ANKRD36C: variants seen among roughly 807,000 people sequenced by gnomAD.
ANKRD36C encodes ankyrin repeat domain-containing protein 36C.
A neutral mutation model predicts 276.4 loss-of-function variants in ANKRD36C; 61 were observed. The observed-to-expected ratio is 0.22, with a 90% CI of 0.18 to 0.27. ANKRD36C has a LOEUF of 0.27. Among genes scored for constraint, ANKRD36C ranks in the 10% least tolerant of loss-of-function variants. The pLI is 1.00. For synonymous variants in ANKRD36C, 483 were observed against 680.1 expected (o/e 0.71, Z 4.51); for missense variants, 1,447 against 2,032.3 (o/e 0.71, Z 5.54).
At chr2:95,947,785 T>C (rs750436014) in intron 17 of ANKRD36C, among the ~76,000 whole-genome samples, 3 of 152,118 alleles carry the variant, frequency 2.0e-5, no homozygotes, top group Non-Finnish European at 4.4e-5. Flanking sequence ...CTCTCTACTA[T>C]AGATGTGAGA....
Position 95,910,531 on chromosome 2 carries a change from T to A in ANKRD36C, c.2653+1713A>T, listed in dbSNP as rs1361617734. 1 of 1,606,160 alleles carries A rather than the reference T, an allele frequency of 6.2e-7. No individual in the cohort carries two copies. Among genetic ancestry groups the A allele is most frequent in the South Asian group, 1.1e-5 (1 of 90,740 alleles). ...AACTCGTTCACAATATAAATGAGAG[T>A]TTCATTACCTTCAAGGCTGGTGGTT... On this transcript the variant is annotated intron_variant, in intron 42 of 66. Coordinates refer to ENST00000456556, the Ensembl canonical transcript of ANKRD36C.
chr2:95,886,025 A>G (rs1459047255), intron 52 of ANKRD36C, 23 bp downstream of exon 72: 2 of 1,600,374 alleles, frequency 1.2e-6, no homozygotes, highest in Middle Eastern at 1.7e-4. Flanking sequence ...CGAACATTAC[A>G]TTAAAGGTGT....
chr2:95,961,325 C>T (rs1331504974), intron 8 of ANKRD36C, among the ~76,000 whole-genome samples: 1 of 152,016 alleles, frequency 6.6e-6, no homozygotes, highest in Non-Finnish European at 1.5e-5. Flanking sequence ...TTCATCCACT[C>T]ATGGCAAGAA....
intron 6 of ANKRD36C, among the ~76,000 whole-genome samples, chr2:95,971,666 C>T (rs910713776): frequency 6.6e-6 from 1 of 151,154 alleles, no homozygotes. Context: ...TATTAACAGG[C>T]AAGAAAATAA....
intron 4 of ANKRD36C, among the ~76,000 whole-genome samples, chr2:95,981,396 CTATAT>C (rs1298995578): frequency 7.7e-6 from 1 of 129,064 alleles, no homozygotes; most frequent in Non-Finnish European, 1.7e-5. Flanking sequence ...AATATACATT[CTATAT>C]TATATATTAT....
intron 54 of ANKRD36C, among the ~76,000 whole-genome samples, chr2:95,882,947 T>C (rs1204312750): frequency 6.6e-6 from 1 of 152,132 alleles, no homozygotes; most frequent in East Asian, 1.9e-4. Context: ...GCCTGGTAAT[T>C]GAGGAGGTAC....
chr2:95,923,836 G>T, intron 30 of ANKRD36C, 147 bp from the exon 31 acceptor site: 6 of 1,175,178 alleles, frequency 5.1e-6, no homozygotes, highest in Non-Finnish European at 5.9e-6. Flanking sequence ...GAACATGACA[G>T]AAATACACTG....
In ANKRD36C at chr2:95,927,109, T is replaced by A. The variant is rs1056286703; in HGVS notation, c.1939+105A>T. 32 of 1,491,544 alleles carry A rather than the reference T, an allele frequency of 2.1e-5. 1 individual carries two copies. The Admixed American group carries it at 4.9e-4, about 23-fold the overall frequency. 92.4% of individuals were successfully genotyped at this position (1,491,544 alleles called of 1,614,324 possible). A position where few individuals can be genotyped will look rare whatever the true frequency, so the allele number is the denominator to read the frequency against. On this transcript the variant is annotated intron_variant, in intron 28 of 66. Transcript: ENST00000456556. ...ACTGAAGAATCTCAGGCCTGCTGAA[T>A]CAGAATGTGCAGCTTCAATGAATCC...
intron 38 of ANKRD36C, among the ~76,000 whole-genome samples, chr2:95,914,777 C>CT (rs1417812261): frequency 2.0e-5 from 3 of 151,480 alleles, no homozygotes; most frequent in African/African-American, 7.3e-5. Context: ...TCCGATGATA[C>CT]TTCAGTTGAA....
exon 19 of ANKRD36C, chr2:95,944,673 T>C (rs1453741458): frequency 2.0e-6 from 3 of 1,537,076 alleles, no homozygotes; most frequent in African/African-American, 2.7e-5. Flanking sequence ...TTCTGTTTTG[T>C]CAATGCCACA....
intron 19 of ANKRD36C, 71 bp downstream of exon 19, chr2:95,944,556 T>C (rs1298621961): frequency 1.4e-6 from 2 of 1,402,164 alleles, no homozygotes; most frequent in Non-Finnish European, 1.9e-6. Flanking sequence ...CATTAACAGA[T>C]AAGAGTGAGT....
chr2:95,950,608 G>T, intron 16 of ANKRD36C, 141 bp downstream of exon 16: 3 of 1,057,996 alleles, frequency 2.8e-6, no homozygotes, highest in Non-Finnish European at 3.9e-6. Context: ...TTCTAAAGTT[G>T]TGTGAAGATG....
chr2:95,938,547 T>C (rs1677780981), intron 22 of ANKRD36C, among the ~76,000 whole-genome samples: 1 of 152,126 alleles, frequency 6.6e-6, no homozygotes, highest in South Asian at 2.1e-4. Flanking sequence ...AGTGTCAAAA[T>C]ACACCTACTC....
rs371779698 is a variant in ANKRD36C, at chr2:95,902,802, C to T, written c.2654-3466G>A. 87 of 1,429,826 alleles carry T rather than the reference C, an allele frequency of 6.1e-5. 3 individuals are homozygous for T. The East Asian group carries it at 6.4e-4, about 11-fold the overall frequency. The allele number at this position is 1,429,826 out of a possible 1,614,324, so 88.6% of individuals were successfully genotyped here. On this transcript the variant is annotated intron_variant, in intron 42 of 66. Coordinates refer to ENST00000456556, the Ensembl canonical transcript of ANKRD36C. ...GCTGAATCAGAATGTGCAGCTTCAACGAGCCCCCCGCTGATTTATTCACGG... is the reference window on the plus strand; with the variant it reads ...GCTGAATCAGAATGTGCAGCTTCAATGAGCCCCCCGCTGATTTATTCACGG...
intron 13 of ANKRD36C, among the ~76,000 whole-genome samples, chr2:95,954,310 T>C (rs1678277714): frequency 6.6e-6 from 1 of 152,116 alleles, no homozygotes; most frequent in Admixed American, 6.6e-5. Context: ...CAGACAATAA[T>C]TTGTCCTTAT....
Position 95,963,999 on chromosome 2 carries a change from ATATATATATATATATG to A in ANKRD36C, c.800-1468_800-1453del, listed in dbSNP as rs1392682689. Among the ~76,000 whole-genome samples, 72 of 18,424 alleles carry A rather than the reference ATATATATATATATATG, an allele frequency of 3.9e-3. 2 individuals are homozygous for A. The highest frequency in any genetic ancestry group is 8.0e-3 in the Admixed American group (10 of 1,256). 12.1% of individuals were successfully genotyped at this position (18,424 alleles called of 152,430 possible). A position where few individuals can be genotyped will look rare whatever the true frequency, so the allele number is the denominator to read the frequency against. Reference sequence around the variant, plus strand: ...TATATATATATATATATATATATATATATATATATATATATGTGTGTGTGTGTCATGATTGCCAAGA... The same window carrying A: ...TATATATATATATATATATATATATATGTGTGTGTGTCATGATTGCCAAGA... On this transcript the variant is annotated intron_variant, in intron 6 of 66. Transcript: ENST00000456556.
intron 25 of ANKRD36C, 40 bp from the exon 26 acceptor site, chr2:95,929,184 A>C (rs1677496584): frequency 6.3e-7 from 1 of 1,598,216 alleles, no homozygotes; most frequent in Admixed American, 1.7e-5. Flanking sequence ...TATGTAAAGT[A>C]GGTTTCATAG....
At chr2:95,959,861 G>T (rs1176675024) in intron 10 of ANKRD36C, among the ~76,000 whole-genome samples, 1 of 110,702 alleles carries the variant, frequency 9.0e-6, no homozygotes, top group Non-Finnish European at 2.0e-5. Context: ...ACTCTATCCT[G>T]CTTCCAGTAG....
chr2:95,984,708 C>G (rs573675784), intron 3 of ANKRD36C, among the ~76,000 whole-genome samples: 7 of 151,942 alleles, frequency 4.6e-5, no homozygotes, highest in Admixed American at 4.6e-4. Context: ...AGATTGTTCA[C>G]CAAATGGATA....
Sources: gnomAD v4.1 joint callset for allele counts (sites outside exome capture counted in the v4.1 genomes callset) on GRCh38, gnomAD v4.1.1 for gene constraint, MANE v1.5 for transcripts, NCBI Gene and HGNC (gene_info 2026-07-23, HGNC 2026-07-21) for gene names.